PACRG: variants seen among roughly 807,000 people sequenced by gnomAD.
PACRG encodes the protein parkin coregulated gene protein.
PACRG carries 29 observed loss-of-function variants against 29.7 expected under a neutral mutation model. The observed-to-expected ratio is 0.98, with a 90% CI of 0.73 to 1.33. The LOEUF (loss-of-function observed/expected upper bound fraction) is 1.33. PACRG is among the 40% of genes most tolerant of loss of function. The pLI, the probability that PACRG is intolerant of heterozygous loss-of-function variation, is 0.00. For missense variants in PACRG, 279 were observed against 316.2 expected (o/e 0.88, Z 0.89); for synonymous variants, 116 against 118.7 (o/e 0.98, Z 0.15).
At chr6:162,855,184 C>G (rs1375913416) in intron 2 of PACRG, among the ~76,000 whole-genome samples, 1 of 152,188 alleles carries the variant, frequency 6.6e-6, no homozygotes, top group Non-Finnish European at 1.5e-5. Flanking sequence ...TAATGCCCAG[C>G]GCTGACACCT....
intron 2 of PACRG, among the ~76,000 whole-genome samples, chr6:162,819,298 A>G (rs549815189): frequency 6.6e-6 from 1 of 152,250 alleles, no homozygotes; most frequent in African/African-American, 2.4e-5. Flanking sequence ...TAATATAGTA[A>G]TTTTACCTGT....
intron 4 of PACRG, among the ~76,000 whole-genome samples, chr6:163,311,663 A>G (rs770410369): frequency 1.7e-4 from 26 of 152,288 alleles, no homozygotes; most frequent in South Asian, 1.0e-3. Flanking sequence ...TTTCTACCCC[A>G]ATGATACGCA....
intron 2 of PACRG, among the ~76,000 whole-genome samples, chr6:163,006,158 T>C (rs1805085539): frequency 4.3e-5 from 6 of 139,012 alleles, no homozygotes; most frequent in Admixed American, 1.5e-4. Flanking sequence ...TAATATATTA[T>C]ATATAATATA....
intron 2 of PACRG, among the ~76,000 whole-genome samples, chr6:162,899,352 A>AGC (rs1795390511): frequency 6.6e-6 from 1 of 151,990 alleles, no homozygotes; most frequent in African/African-American, 2.4e-5. Context: ...CACGGGGGGA[A>AGC]AGCAGCCTCC....
intron 4 of PACRG, among the ~76,000 whole-genome samples, chr6:163,184,250 A>T (rs907082259): frequency 6.6e-6 from 1 of 152,254 alleles, no homozygotes; most frequent in Non-Finnish European, 1.5e-5. Flanking sequence ...AATAGAACAT[A>T]GAGTAACTGG....
intron 4 of PACRG, among the ~76,000 whole-genome samples, chr6:163,186,402 C>G (rs371858150): frequency 6.6e-6 from 1 of 151,860 alleles, no homozygotes; most frequent in East Asian, 1.9e-4. Context: ...TACACACACA[C>G]AGACACAGAC....
chr6:162,911,200 G>T lies in PACRG; in HGVS notation c.291+96919G>T, dbSNP rs1796276453. ...TTTTACATTCATTTATTTCTGCTTT[G>T]CATGAAGCACAGCTGCATTATAATG... On this transcript the variant is annotated intron_variant, in intron 2 of 4. Coordinates refer to ENST00000366888, the MANE Select transcript of PACRG (RefSeq NM_001080379.2). Among the ~76,000 whole-genome samples the T allele has an allele frequency of 2.6e-5, 4 of 152,264 alleles. No individual in the cohort carries two copies. In the South Asian group the frequency reaches 8.3e-4, roughly 32 times the overall value.
chr6:163,179,945 C>A (rs561592720), intron 4 of PACRG, among the ~76,000 whole-genome samples: 1 of 152,232 alleles, frequency 6.6e-6, no homozygotes, highest in Non-Finnish European at 1.5e-5. Context: ...GTGTCCCAGC[C>A]GAGCCCTCCT....
chr6:162,747,257 T>G (rs548438342), intron 1 of PACRG, among the ~76,000 whole-genome samples: 5 of 146,162 alleles, frequency 3.4e-5, no homozygotes, highest in Admixed American at 7.0e-5. Context: ...TGCTGGATGC[T>G]TCTTGCTCTA....
At chr6:162,744,320 G>C (rs2128267346) in intron 1 of PACRG, among the ~76,000 whole-genome samples, 1 of 152,266 alleles carries the variant, frequency 6.6e-6, no homozygotes, top group Non-Finnish European at 1.5e-5. Flanking sequence ...ATTCCTGGCT[G>C]GGTGTGGTGG....
chr6:162,793,193 G>T (rs1215256336), intron 1 of PACRG, among the ~76,000 whole-genome samples: 1 of 152,136 alleles, frequency 6.6e-6, no homozygotes, highest in African/African-American at 2.4e-5. Context: ...ATTCAGGATT[G>T]TTGTGTTGTT....
At position 162,761,956 on chromosome 6, in the gene PACRG, AC is replaced by A. The variant is rs373736447; in HGVS notation, c.156+33574del. ...ATCTCAAAAAAAAAAAAAAAAAGAA[AC>A]CCCCCCCCAAAAAAAAACCCCTGAG... On this transcript the variant is annotated intron_variant, in intron 1 of 4. Coordinates refer to ENST00000366888, the MANE Select transcript of PACRG (RefSeq NM_001080379.2). Among the ~76,000 whole-genome samples the A allele has an allele frequency of 2.8e-4, 31 of 109,158 alleles. 1 individual carries two copies. The highest frequency in any genetic ancestry group is 6.6e-4 in the East Asian group (2 of 3,024). 71.6% of individuals were successfully genotyped at this position (109,158 alleles called of 152,430 possible).
chr6:163,113,080 T>G (rs1244546689), intron 4 of PACRG, among the ~76,000 whole-genome samples: 1 of 152,040 alleles, frequency 6.6e-6, no homozygotes, highest in Non-Finnish European at 1.5e-5. Context: ...GCTTCACAAC[T>G]GGAACTAAAA....
chr6:162,891,147 C>T (rs533125654), intron 2 of PACRG, among the ~76,000 whole-genome samples: 1 of 152,140 alleles, frequency 6.6e-6, no homozygotes, highest in East Asian at 1.9e-4. Flanking sequence ...GAAATGGACA[C>T]GGTATATCCA....
intron 4 of PACRG, among the ~76,000 whole-genome samples, chr6:163,145,904 G>C (rs1205663): frequency 1.3e-5 from 2 of 151,996 alleles, no homozygotes; most frequent in African/African-American, 2.4e-5. Flanking sequence ...GATGAGAGGC[G>C]GTGAGGAGAG....
intron 2 of PACRG, among the ~76,000 whole-genome samples, chr6:162,819,270 G>T (rs1787627980): frequency 6.6e-6 from 1 of 152,066 alleles, no homozygotes; most frequent in Non-Finnish European, 1.5e-5. Context: ...CACCATGGAG[G>T]CAAATTTCCC....
intron 2 of PACRG, among the ~76,000 whole-genome samples, chr6:163,036,574 C>T (rs879853732): frequency 2.6e-5 from 4 of 152,196 alleles, no homozygotes; most frequent in Non-Finnish European, 4.4e-5. Context: ...TCACCTCCTG[C>T]CTTTGGGCGA....
chr6:163,239,777 CA>C (rs1164734558), intron 4 of PACRG, among the ~76,000 whole-genome samples: 18 of 143,560 alleles, frequency 1.3e-4, no homozygotes, highest in Middle Eastern at 3.5e-3. Flanking sequence ...CCTCCACCCC[CA>C]CACACACACA....
chr6:163,270,971 T>C (rs1783803532), intron 4 of PACRG, among the ~76,000 whole-genome samples: 1 of 152,080 alleles, frequency 6.6e-6, no homozygotes, highest in South Asian at 2.1e-4. Flanking sequence ...ACTCACATGA[T>C]TACAAGGTGA....
Sources: allele counts gnomAD v4.1 joint callset (sites outside exome capture counted in the v4.1 genomes callset), GRCh38; gene constraint gnomAD v4.1.1; transcripts MANE v1.5; gene names NCBI Gene and HGNC (gene_info 2026-07-23, HGNC 2026-07-21).